The following SPEN variants were observed in gnomAD, a reference collection of about 807,000 sequenced individuals.
The protein encoded by SPEN is spen family transcriptional repressor, also known as msx2-interacting protein.
A neutral mutation model predicts 269.9 loss-of-function variants in SPEN; 18 were observed. That is an observed-to-expected ratio of 0.07 (90% CI 0.05 to 0.10). The LOEUF is 0.10. Among genes scored for constraint, SPEN ranks in the 10% least tolerant of loss-of-function variants. SPEN has a pLI of 1.00. For synonymous variants in SPEN, 1,726 were observed against 1,765.7 expected (o/e 0.98, Z 0.56); for missense variants, 3,822 against 4,631.2 (o/e 0.83, Z 5.07).
intron 3 of SPEN, among the ~76,000 whole-genome samples, chr1:15,892,368 T>C (rs1465226671): frequency 1.3e-5 from 2 of 152,226 alleles, no homozygotes; most frequent in Non-Finnish European, 2.9e-5. Context: ...AATTAAAATT[T>C]TGTGGCTTAT....
At chr1:15,888,981 G>A (rs180793605) in intron 3 of SPEN, among the ~76,000 whole-genome samples, 1 of 151,958 alleles carries the variant, frequency 6.6e-6, no homozygotes, top group African/African-American at 2.4e-5. Flanking sequence ...AGGTGATCTT[G>A]TTCTTTCCTT....
At chr1:15,902,169 T>A (rs2070908969) in intron 3 of SPEN, among the ~76,000 whole-genome samples, 1 of 152,210 alleles carries the variant, frequency 6.6e-6, no homozygotes, top group Non-Finnish European at 1.5e-5. Flanking sequence ...CCTCAAGTGA[T>A]CTTCCTGCCT....
chr1:15,909,894 G>A (rs1027352126), intron 4 of SPEN, among the ~76,000 whole-genome samples: 1 of 152,086 alleles, frequency 6.6e-6, no homozygotes, highest in East Asian at 1.9e-4. Context: ...GGGAGGCCGA[G>A]GCGGGCGGAT....
At position 15,929,940 on chromosome 1, in the gene SPEN, G is replaced by T. The variant is rs199763346; in HGVS notation, c.3700G>T (p.Asp1234Tyr). The T allele has an allele frequency of 6.2e-7, 1 of 1,614,120 alleles. No homozygotes were observed. Among genetic ancestry groups the T allele is most frequent in the African/African-American group, 1.3e-5 (1 of 75,056 alleles). Residue 1234 changes from aspartate (D) to tyrosine (Y), a missense_variant, in exon 11 of 15, where the codon GAT becomes TAT. Physicochemically the swap from Asp to Tyr is radical, Grantham distance 160. This residue lies in a region of SPEN where 267 missense variants were observed against 315.5 expected (regional missense o/e 0.85). Transcript: ENST00000375759. This position sits in a 1 kb window ranked among gnomAD's most constrained non-coding sequence, Gnocchi z 5.8. ...PSKKKRMDHV[D>Y]FDICTKRERN... is the part of the protein sequence containing the mutation. ...CAAAAAGAAAAGGATGGATCATGTC[G>T]ATTTTGATATCTGCACCAAGCGAGA...
intron 1 of SPEN, among the ~76,000 whole-genome samples, chr1:15,850,170 G>A (rs986197108): frequency 6.6e-6 from 1 of 152,120 alleles, no homozygotes; most frequent in Non-Finnish European, 1.5e-5. Context: ...CAGCAGAGCC[G>A]ATCTCAGAAT....
At chr1:15,854,310 A>G (rs1305032500) in intron 1 of SPEN, among the ~76,000 whole-genome samples, 1 of 151,942 alleles carries the variant, frequency 6.6e-6, no homozygotes, top group African/African-American at 2.4e-5. Context: ...AAGGAGACTA[A>G]ATAAAGTACA....
intron 1 of SPEN, among the ~76,000 whole-genome samples, chr1:15,860,376 G>GA (rs2070432432): frequency 8.4e-6 from 1 of 119,472 alleles, no homozygotes; most frequent in Non-Finnish European, 1.7e-5. Flanking sequence ...AGTAGCTTCA[G>GA]AGGTGTGTGT....
At chr1:15,849,499 G>A (rs1398918330) in intron 1 of SPEN, among the ~76,000 whole-genome samples, 1 of 152,260 alleles carries the variant, frequency 6.6e-6, no homozygotes, top group Non-Finnish European at 1.5e-5. Flanking sequence ...GTGAAAAGGA[G>A]CCGGGAATCG....
At chr1:15,908,785 G>A (rs1394460143) in intron 3 of SPEN, among the ~76,000 whole-genome samples, 1 of 152,118 alleles carries the variant, frequency 6.6e-6, no homozygotes, top group African/African-American at 2.4e-5. Flanking sequence ...ACTTGATATT[G>A]GGGGAAATTG....
chr1:15,901,308 T>C (rs1052920270), intron 3 of SPEN, among the ~76,000 whole-genome samples: 42 of 148,406 alleles, frequency 2.8e-4, no homozygotes, highest in African/African-American at 1.0e-3. Flanking sequence ...GAGTAGAGAC[T>C]CTGTCTGGTA....
At chr1:15,856,460 C>T (rs2070389035) in intron 1 of SPEN, among the ~76,000 whole-genome samples, 1 of 151,432 alleles carries the variant, frequency 6.6e-6, no homozygotes, top group Non-Finnish European at 1.5e-5. Flanking sequence ...GTCACCAATA[C>T]AAATCATATA....
At chr1:15,865,921 A>G (rs1360207909) in intron 1 of SPEN, among the ~76,000 whole-genome samples, 2 of 147,712 alleles carry the variant, frequency 1.4e-5, no homozygotes, top group Non-Finnish European at 3.0e-5. Context: ...CCCAAACTGT[A>G]GTGCAGTGGC....
At chr1:15,880,427 A>G in intron 3 of SPEN, among the ~76,000 whole-genome samples, 1 of 139,164 alleles carries the variant, frequency 7.2e-6, no homozygotes, top group East Asian at 2.4e-4. Flanking sequence ...AGTTTCACTG[A>G]TGTGACAAAT....
intron 3 of SPEN, among the ~76,000 whole-genome samples, chr1:15,893,345 G>T (rs2070808087): frequency 6.6e-6 from 1 of 152,138 alleles, no homozygotes; most frequent in Non-Finnish European, 1.5e-5. Context: ...GTAGGGAGGG[G>T]CAGATTAGCT....
intron 3 of SPEN, among the ~76,000 whole-genome samples, chr1:15,900,127 T>C (rs2148723567): frequency 2.0e-5 from 3 of 152,306 alleles, no homozygotes; most frequent in African/African-American, 7.2e-5. Context: ...ATTACAGGCA[T>C]GAGCCACCAC....
rs2070632655 is a variant in SPEN, at chr1:15,876,567, G to C, written c.770G>C (p.Arg257Thr). Residue 257 changes from arginine (R) to threonine (T), a missense_variant, in exon 3 of 15, where the codon AGA (arginine) becomes ACA (threonine). Physicochemically the swap from Arg to Thr is moderately conservative, Grantham distance 71. Transcript: ENST00000375759. ...SSQSRNQSPQ[R>T]LASQASRPTR... ...CAGTCTAGAAATCAGTCTCCTCAGA[G>C]ACTGGCTAGCCAAGCATCTAGACCC... 6.2e-7 allele frequency: 1 copy of C among 1,613,906 alleles called. No individual in the cohort carries two copies. Among genetic ancestry groups the C allele is most frequent in the Non-Finnish European group, 8.5e-7 (1 of 1,180,030 alleles).
intron 1 of SPEN, among the ~76,000 whole-genome samples, chr1:15,851,825 T>C (rs2070339500): frequency 6.6e-6 from 1 of 152,044 alleles, no homozygotes; most frequent in Non-Finnish European, 1.5e-5. Flanking sequence ...TCTACTAAAA[T>C]ACAAAAAATT....
At chr1:15,915,115 T>G (rs932433332) in intron 5 of SPEN, among the ~76,000 whole-genome samples, 2 of 152,220 alleles carry the variant, frequency 1.3e-5, no homozygotes, top group Non-Finnish European at 1.5e-5. Context: ...TACGCCAAAT[T>G]GAGAGCCTGC....
At chr1:15,874,258 T>G in intron 2 of SPEN, 1 of 1,366,584 alleles carries the variant, frequency 7.3e-7, no homozygotes, top group South Asian at 1.1e-5. Context: ...GTGGTTCATC[T>G]AAATATCATT....
Sources: allele counts gnomAD v4.1 joint callset (sites outside exome capture counted in the v4.1 genomes callset), GRCh38; gene constraint gnomAD v4.1.1; regional missense constraint gnomAD v4.1.1; non-coding constraint Gnocchi (gnomAD v3.1); transcripts MANE v1.5; gene names NCBI Gene and HGNC (gene_info 2026-07-23, HGNC 2026-07-21).